Variants in STOX2 observed in about 807,000 individuals in gnomAD.
The protein encoded by STOX2 is storkhead-box protein 2.
In STOX2, 28 loss-of-function variants were observed where a neutral mutation model predicts 60.9. That is an observed-to-expected ratio of 0.46 (90% confidence interval 0.34 to 0.63). STOX2 has a LOEUF of 0.63. Among genes scored for constraint, STOX2 ranks in the 30% least tolerant of loss-of-function variants. The probability of loss-of-function intolerance (pLI) is 0.01; values close to 1 mark genes in which losing one functional copy is unlikely to be tolerated. For synonymous variants in STOX2, 472 were observed against 463.9 expected, an observed-to-expected ratio of 1.02 and a Z score of -0.22; for missense variants, 1,024 against 1,187.7, an observed-to-expected ratio of 0.86 and a Z score of 2.03.
chr4:183,942,065 C>T (rs1042588382), intron 1 of STOX2, among the ~76,000 whole-genome samples: 2 of 152,098 alleles, frequency 1.3e-5, no homozygotes, highest in South Asian at 2.1e-4. Context: ...AAGTAATTAG[C>T]CTTCATGCCT....
chr4:183,887,548 A>G (rs1428228870), intron 1 of STOX2, among the ~76,000 whole-genome samples: 1 of 151,964 alleles, frequency 6.6e-6, no homozygotes, highest in African/African-American at 2.4e-5. Flanking sequence ...TCATTAGCAG[A>G]CTCCCTGCTG....
Position 184,019,064 on chromosome 4 carries a change from G to A in STOX2, c.*1780G>A, listed in dbSNP as rs538858671. On this transcript the variant is annotated 3_prime_UTR_variant, in exon 4 of 4. Coordinates refer to ENST00000308497, the MANE Select transcript of STOX2 (RefSeq NM_020225.3). ...AAGAATCCAGTCCTATACACAGTTG[G>A]ACTCATTCTTGAAACCTTTAAATGC... 2 of 152,164 alleles carry A rather than the reference G, an allele frequency of 1.3e-5. No individual in the cohort carries two copies. The highest frequency in any genetic ancestry group is 1.9e-4 in the East Asian group (1 of 5,198). The allele number at this position is 152,164 out of a possible 1,614,324, so 9.4% of individuals were successfully genotyped here. A position where few individuals can be genotyped will look rare whatever the true frequency, so the allele number is the denominator to read the frequency against.
chr4:183,953,449 G>A (rs531657163), intron 1 of STOX2, among the ~76,000 whole-genome samples: 18 of 152,302 alleles, frequency 1.2e-4, no homozygotes, highest in Admixed American at 5.9e-4. Context: ...AGGCAGGGGT[G>A]CCCCTTGTTC....
At chr4:183,869,259 C>T (rs1243862670) in intron 1 of STOX2, among the ~76,000 whole-genome samples, 1 of 152,166 alleles carries the variant, frequency 6.6e-6, no homozygotes, top group South Asian at 2.1e-4. Context: ...TACAAACCAC[C>T]ACTTAATAAA....
At chr4:183,877,547 A>T (rs6813664) in intron 1 of STOX2, among the ~76,000 whole-genome samples, 77 of 152,124 alleles carry the variant, frequency 5.1e-4, no homozygotes, top group Non-Finnish European at 1.5e-4. Flanking sequence ...GCCGTTTTGC[A>T]TGCTCTGTAT....
intron 3 of STOX2, chr4:184,014,980 A>G (rs1424148845): frequency 1.3e-5 from 2 of 152,166 alleles, no homozygotes; most frequent in Admixed American, 6.5e-5. Context: ...AAAATACGTC[A>G]TTCGTAATAC....
At chr4:183,809,302 C>A (rs1738980605) in intron 1 of STOX2, among the ~76,000 whole-genome samples, 2 of 152,134 alleles carry the variant, frequency 1.3e-5, no homozygotes, top group Admixed American at 1.3e-4. Context: ...GTTGCCCAGG[C>A]TGGTCTCGAA....
At chr4:183,938,002 A>G (rs1470093712) in intron 1 of STOX2, among the ~76,000 whole-genome samples, 1 of 151,982 alleles carries the variant, frequency 6.6e-6, no homozygotes, top group Non-Finnish European at 1.5e-5. Flanking sequence ...TCAGAAAATT[A>G]GCCAGATGTG....
chr4:183,819,582 G>A (rs866883958), intron 1 of STOX2, among the ~76,000 whole-genome samples: 40 of 120,608 alleles, frequency 3.3e-4, no homozygotes, highest in African/African-American at 1.2e-3. Flanking sequence ...GGGGGAGGGG[G>A]AGGGAGAGGG....
upstream of STOX2, among the ~76,000 whole-genome samples, chr4:183,904,788 A>C (rs1465751): frequency 6.6e-6 from 1 of 152,034 alleles, no homozygotes; most frequent in African/African-American, 2.4e-5. Context: ...GATAGTTGCT[A>C]CCCCCCTCAA....
intron 1 of STOX2, among the ~76,000 whole-genome samples, chr4:183,800,527 T>C (rs1738737696): frequency 6.6e-6 from 1 of 152,240 alleles, no homozygotes; most frequent in African/African-American, 2.4e-5. Flanking sequence ...CAGGTCCTTT[T>C]ACATTGTTTT....
rs1390669779 is a variant in STOX2 at position 183,806,056 on chromosome 4, A to C, written c.364+8001A>C. Among the ~76,000 whole-genome samples, 2 of 152,218 alleles carry C rather than the reference A, an allele frequency of 1.3e-5. No individual in the cohort carries two copies. The highest frequency in any genetic ancestry group is 2.9e-5 in the Non-Finnish European group (2 of 68,042). On this transcript the variant is annotated intron_variant, in intron 1 of 2. Transcript: ENST00000513034. The surrounding 1 kb of genome is among the most constrained non-coding windows in gnomAD (Gnocchi z 4.1). ...TTAAGTGGGTAAGTTGAGAAAGTGC[A>C]TGGGACAGTGGGAGACCCCATGCTG... is the stretch of plus-strand genomic sequence containing the variant.
intron 1 of STOX2, among the ~76,000 whole-genome samples, chr4:183,810,357 G>T (rs1023873411): frequency 3.9e-4 from 59 of 152,308 alleles, no homozygotes; most frequent in African/African-American, 1.4e-3. Flanking sequence ...AGTACTGTGA[G>T]GAAGGCTTTA....
At chr4:183,897,060 C>T (rs548560162) in intron 1 of STOX2, among the ~76,000 whole-genome samples, 2 of 152,238 alleles carry the variant, frequency 1.3e-5, no homozygotes, top group South Asian at 2.1e-4. Flanking sequence ...TGGAAGCAAG[C>T]GTTACCCACT....
At chr4:183,918,099 A>T (rs940047229) in intron 1 of STOX2, among the ~76,000 whole-genome samples, 1 of 152,244 alleles carries the variant, frequency 6.6e-6, no homozygotes, top group Non-Finnish European at 1.5e-5. Flanking sequence ...CTGAGGATGC[A>T]GAAGAAGAGA....
chr4:183,879,876 C>T (rs138160373), intron 1 of STOX2, among the ~76,000 whole-genome samples: 14 of 152,174 alleles, frequency 9.2e-5, no homozygotes, highest in African/African-American at 2.9e-4. Context: ...GGCGATAGTA[C>T]GACATGGTGC....
intron 1 of STOX2, among the ~76,000 whole-genome samples, chr4:183,832,178 CAG>C (rs1022780783): frequency 3.3e-5 from 5 of 151,526 alleles, no homozygotes; most frequent in African/African-American, 4.9e-5. Flanking sequence ...TTGGTAGAGA[CAG>C]GGTTTCACCA....
At chr4:183,944,388 G>A (rs4861586) in intron 1 of STOX2, among the ~76,000 whole-genome samples, 151,515 of 152,362 alleles carry the variant, frequency 0.99, 75,343 homozygotes, top group Middle Eastern at 1. Context: ...CCCTGTCATT[G>A]CTCATCAGAT....
intron 1 of STOX2, among the ~76,000 whole-genome samples, chr4:183,864,828 C>A (rs879508496): frequency 3.3e-5 from 5 of 152,152 alleles, no homozygotes; most frequent in Admixed American, 3.3e-4. Flanking sequence ...GCAATGTGTC[C>A]CACTACCACT....
Sources: gnomAD v4.1 joint callset for allele counts (sites outside exome capture counted in the v4.1 genomes callset) on GRCh38, gnomAD v4.1.1 for gene constraint, Gnocchi (gnomAD v3.1) non-coding constraint, MANE v1.5 for transcripts, NCBI Gene and HGNC (gene_info 2026-07-23, HGNC 2026-07-21) for gene names.